The following TMC1 variants were observed in gnomAD, a reference collection of about 807,000 sequenced individuals.
TMC1 encodes the protein transmembrane channel-like protein 1.
Under a neutral mutation model 105.8 loss-of-function variants are expected in TMC1, and 84 were observed. That is an observed-to-expected ratio of 0.79 (90% CI 0.67 to 0.95). The LOEUF is 0.95. TMC1 is among the 40% of genes least tolerant of loss of function. The pLI, the probability that TMC1 is intolerant of heterozygous loss-of-function variation, is 0.00. For missense variants in TMC1, 817 were observed against 914.1 expected, an observed-to-expected ratio of 0.89 and a Z score of 1.37; for synonymous variants, 315 against 311.5, an observed-to-expected ratio of 1.01 and a Z score of -0.12.
chr9:72,826,895 T>C lies in TMC1; in HGVS notation c.2030T>C (p.Ile677Thr), dbSNP rs1448901281. Residue 677 changes from isoleucine (I) to threonine (T), a missense_variant, in exon 21 of 24, where the codon ATT (isoleucine) becomes ACT (threonine). Transcript: ENST00000297784. The part of the protein sequence containing the change: ...FSGKNRMFEV[I>T]GETLEHDFPS... ...GGCAAAAATAGAATGTTTGAAGTCATTGGAGAGACCCTGGAGCACGATTTC... is the reference window on the plus strand; with the variant it reads ...GGCAAAAATAGAATGTTTGAAGTCACTGGAGAGACCCTGGAGCACGATTTC... 1.4e-5 allele frequency: 22 copies of C among 1,613,980 alleles called. No individual in the cohort carries two copies. Among genetic ancestry groups the C allele is most frequent in the Non-Finnish European group, 1.7e-5 (20 of 1,179,948 alleles).
intron 21 of TMC1, among the ~76,000 whole-genome samples, chr9:72,829,867 G>A (rs1363526114): frequency 6.6e-6 from 1 of 152,176 alleles, no homozygotes; most frequent in Non-Finnish European, 1.5e-5. Flanking sequence ...GAATGTAAAT[G>A]TCATTTAAAA....
chr9:72,656,066 C>A, intron 5 of TMC1: 1 of 707,226 alleles, frequency 1.4e-6, no homozygotes, highest in South Asian at 1.4e-5. Flanking sequence ...TTTTCCTTTG[C>A]TCCTCTGATC....
At chr9:72,542,886 G>A (rs1488439617) in intron 1 of TMC1, among the ~76,000 whole-genome samples, 1 of 151,948 alleles carries the variant, frequency 6.6e-6, no homozygotes, top group African/African-American at 2.4e-5. Context: ...TCACTATCTT[G>A]GCCAGGCTGG....
At chr9:72,645,382 T>C (rs959738433) in intron 4 of TMC1, among the ~76,000 whole-genome samples, 5 of 152,130 alleles carry the variant, frequency 3.3e-5, no homozygotes, top group African/African-American at 9.7e-5. Flanking sequence ...AGAACATTAA[T>C]AGGAGATGAA....
Position 72,646,606 on chromosome 9 carries a change from G to C in TMC1, c.-52-1991G>C, listed in dbSNP as rs141879903. On this transcript the variant is annotated intron_variant, in intron 4 of 23. Transcript: ENST00000297784. ...GTTTTTGCTCATCTTATTGGGTTATGGGCCATTTTATTTTATTTTTATTTT... is the reference window on the plus strand; with the variant it reads ...GTTTTTGCTCATCTTATTGGGTTATCGGCCATTTTATTTTATTTTTATTTT... 2.0e-3 allele frequency among the ~76,000 whole-genome samples: 297 copies of C among 151,422 alleles called. 3 individuals are homozygous for C. The highest frequency in any genetic ancestry group is 0.017 in the Admixed American group (261 of 15,200).
intron 12 of TMC1, among the ~76,000 whole-genome samples, chr9:72,761,701 C>T (rs930335257): frequency 5.3e-5 from 8 of 152,182 alleles, no homozygotes; most frequent in African/African-American, 1.9e-4. Flanking sequence ...ACAGGTTAGA[C>T]ACATATAGAA....
chr9:72,587,208 G>A (rs143071117), intron 2 of TMC1, among the ~76,000 whole-genome samples: 1,884 of 151,746 alleles, frequency 0.012, 23 homozygotes, highest in Non-Finnish European at 0.021. Flanking sequence ...GCCCAGGCTG[G>A]AGTGCAATGG....
chr9:72,829,953 A>G (rs1291591544), intron 21 of TMC1, among the ~76,000 whole-genome samples: 1 of 152,206 alleles, frequency 6.6e-6, no homozygotes, highest in Non-Finnish European at 1.5e-5. Context: ...TACGGAAAAA[A>G]TTCCATGTTC....
intron 5 of TMC1, among the ~76,000 whole-genome samples, chr9:72,666,206 A>G (rs919471186): frequency 1.3e-5 from 2 of 152,032 alleles, no homozygotes; most frequent in Non-Finnish European, 2.9e-5. Flanking sequence ...GCTTGAGGGC[A>G]GGTGTTCGAG....
intron 2 of TMC1, among the ~76,000 whole-genome samples, chr9:72,610,204 T>A (rs1825000985): frequency 6.6e-6 from 1 of 152,216 alleles, no homozygotes; most frequent in African/African-American, 2.4e-5. Context: ...TTAAACTTGA[T>A]TTTTAAAATA....
intron 4 of TMC1, among the ~76,000 whole-genome samples, chr9:72,645,133 T>A (rs1231780047): frequency 6.6e-6 from 1 of 152,126 alleles, no homozygotes; most frequent in Admixed American, 6.5e-5. Context: ...AGGAAAAAAA[T>A]TCATCTTGTT....
chr9:72,682,091 C>T lies in TMC1; in HGVS notation c.17-6618C>T, dbSNP rs1341038. Reference sequence around the variant, plus strand: ...ACCAAAAACCAAAACTATTATTCTCCTTGTAATTTTGAAACCACAGAGATT... The same window carrying T: ...ACCAAAAACCAAAACTATTATTCTCTTTGTAATTTTGAAACCACAGAGATT... On this transcript the variant is annotated intron_variant, in intron 5 of 23. Coordinates refer to ENST00000297784, the MANE Select transcript of TMC1 (RefSeq NM_138691.3). 3.9e-5 allele frequency among the ~76,000 whole-genome samples: 6 copies of T among 152,184 alleles called. 1 individual carries two copies. Among genetic ancestry groups the T allele is most frequent in the Admixed American group, 1.3e-4 (2 of 15,262 alleles).
At chr9:72,719,338 G>GGA (rs1826976492) in intron 8 of TMC1, among the ~76,000 whole-genome samples, 1 of 152,108 alleles carries the variant, frequency 6.6e-6, no homozygotes, top group South Asian at 2.1e-4. Flanking sequence ...GCTTCTCTGG[G>GGA]GACCCGGAGA....
At chr9:72,641,287 C>CT (rs1351026964) in intron 4 of TMC1, among the ~76,000 whole-genome samples, 1 of 151,904 alleles carries the variant, frequency 6.6e-6, no homozygotes, top group East Asian at 1.9e-4. Flanking sequence ...AGAGATGGTG[C>CT]TTTACCATGT....
chr9:72,647,067 A>G (rs1470275843), intron 4 of TMC1, among the ~76,000 whole-genome samples: 1 of 149,750 alleles, frequency 6.7e-6, no homozygotes, highest in Non-Finnish European at 1.5e-5. Flanking sequence ...GCTTGAACCC[A>G]GGAGGTGGAG....
chr9:72,789,237 C>CT lies in TMC1; in HGVS notation c.1145dup (p.Ile383HisfsTer17), dbSNP rs1564555081. The CT allele has an allele frequency of 6.2e-7, 1 of 1,613,994 alleles. No homozygotes were observed. On this transcript the variant is annotated frameshift_variant, in exon 15 of 24. Coordinates refer to ENST00000297784, the MANE Select transcript of TMC1 (RefSeq NM_138691.3). LOFTEE classifies it high-confidence loss of function. ...TCTAACACTTGGAGGGAGTGGATAC[C>CT]TCATCTTTTGGGCTGTGAAGCGATC...
intron 18 of TMC1, among the ~76,000 whole-genome samples, chr9:72,815,517 G>A (rs1192675870): frequency 2.6e-5 from 4 of 152,248 alleles, no homozygotes; most frequent in Non-Finnish European, 4.4e-5. Flanking sequence ...CGCATATAAA[G>A]TATGACTATC....
chr9:72,563,487 T>C (rs892802562), intron 1 of TMC1, among the ~76,000 whole-genome samples: 1 of 152,130 alleles, frequency 6.6e-6, no homozygotes, highest in African/African-American at 2.4e-5. Flanking sequence ...TCTAGGATTT[T>C]TGTAGAGGAC....
At chr9:72,751,755 T>C in intron 10 of TMC1, 95 bp from the exon 11 acceptor site, 1 of 799,170 alleles carries the variant, frequency 1.3e-6, no homozygotes, top group Non-Finnish European at 2.2e-6. Context: ...GCCTCACAAT[T>C]AATGGATTCA....
Sources: allele counts gnomAD v4.1 joint callset (sites outside exome capture counted in the v4.1 genomes callset), GRCh38; gene constraint gnomAD v4.1.1; transcripts MANE v1.5; gene names NCBI Gene and HGNC (gene_info 2026-07-23, HGNC 2026-07-21).